Variants in ADK observed in about 807,000 individuals in gnomAD.
ADK encodes the protein N6,N6-dimethyladenosine kinase.
ADK carries 24 observed loss-of-function variants against 44.7 expected under a neutral mutation model. That is an observed-to-expected ratio of 0.54 (90% CI 0.39 to 0.76). The LOEUF (loss-of-function observed/expected upper bound fraction) is 0.76, where lower values mean the gene tolerates loss of function less well. ADK is among the 30% of genes least tolerant of loss of function. The pLI, the probability that ADK is intolerant of heterozygous loss-of-function variation, is 0.00. For synonymous variants in ADK, 128 were observed against 142.6 expected (o/e 0.90, Z 0.73); for missense variants, 321 against 425.1 (o/e 0.76, Z 2.15).
intron 9 of ADK, among the ~76,000 whole-genome samples, chr10:74,609,109 G>A (rs527686353): frequency 1.3e-5 from 2 of 152,244 alleles, no homozygotes; most frequent in Admixed American, 6.5e-5. Context: ...GAGCATCCCA[G>A]GTCGACTTCA....
chr10:74,615,735 G>A (rs1052994720), intron 9 of ADK, among the ~76,000 whole-genome samples: 3 of 152,018 alleles, frequency 2.0e-5, no homozygotes, highest in African/African-American at 7.2e-5. Flanking sequence ...TTGAGATGGA[G>A]CCTCACTCTG....
chr10:74,260,763 T>C (rs1846011313), intron 3 of ADK, among the ~76,000 whole-genome samples: 1 of 152,234 alleles, frequency 6.6e-6, no homozygotes. Context: ...CTTCCATTAA[T>C]TTAAATATCA....
intron 3 of ADK, among the ~76,000 whole-genome samples, chr10:74,302,834 G>GC (rs1223237781): frequency 1.5e-5 from 2 of 135,392 alleles, no homozygotes; most frequent in African/African-American, 5.7e-5. Flanking sequence ...ATTTTACTGA[G>GC]TCTAGTGTGA....
intron 9 of ADK, among the ~76,000 whole-genome samples, chr10:74,640,395 G>A (rs985615742): frequency 6.6e-6 from 1 of 152,208 alleles, no homozygotes; most frequent in Non-Finnish European, 1.5e-5. Flanking sequence ...CTTGCTTTAG[G>A]CAGAGCATTC....
chr10:74,230,255 T>C (rs906575977), intron 3 of ADK, among the ~76,000 whole-genome samples: 1 of 151,526 alleles, frequency 6.6e-6, no homozygotes, highest in African/African-American at 2.4e-5. Flanking sequence ...CAGGGCCCGG[T>C]TTTTTTTGTA....
chr10:74,504,551 G>A (rs1847981299), intron 6 of ADK, among the ~76,000 whole-genome samples: 3 of 152,050 alleles, frequency 2.0e-5, no homozygotes, highest in African/African-American at 7.2e-5. Flanking sequence ...GTGTATTTTT[G>A]TAACACAGTA....
At chr10:74,296,689 GC>G (rs1177233622) in intron 3 of ADK, among the ~76,000 whole-genome samples, 11 of 149,324 alleles carry the variant, frequency 7.4e-5, no homozygotes, top group African/African-American at 2.7e-4. Context: ...TTGGCTCACT[GC>G]AAGCCCCGCC....
At chr10:74,369,335 G>A (rs547784370) in intron 4 of ADK, among the ~76,000 whole-genome samples, 1 of 152,288 alleles carries the variant, frequency 6.6e-6, no homozygotes, top group South Asian at 2.1e-4. Flanking sequence ...CAGCCTCAGA[G>A]ACAGAGCAGT....
At chr10:74,349,450 CT>C (rs1294250345) in intron 4 of ADK, among the ~76,000 whole-genome samples, 3 of 152,196 alleles carry the variant, frequency 2.0e-5, no homozygotes, top group Non-Finnish European at 1.5e-5. Context: ...GTACTAGCCA[CT>C]GCACAAACAC....
At chr10:74,415,891 A>G (rs1844351130) in intron 6 of ADK, among the ~76,000 whole-genome samples, 1 of 152,002 alleles carries the variant, frequency 6.6e-6, no homozygotes, top group Non-Finnish European at 1.5e-5. Context: ...TTGGCATGTA[A>G]TGGAAGACAT....
intron 6 of ADK, among the ~76,000 whole-genome samples, chr10:74,518,660 T>C (rs1338095996): frequency 2.6e-5 from 4 of 152,214 alleles, no homozygotes; most frequent in Non-Finnish European, 4.4e-5. Context: ...GTTAGATGGC[T>C]CTCCTGATAA....
chr10:74,363,923 T>C (rs1355921044), intron 4 of ADK, among the ~76,000 whole-genome samples: 4 of 152,068 alleles, frequency 2.6e-5, no homozygotes, highest in Non-Finnish European at 5.9e-5. Context: ...ATGCATCCCC[T>C]ACTGCAGCAG....
chr10:74,475,751 G>T (rs1278753690), intron 6 of ADK, among the ~76,000 whole-genome samples: 1 of 139,576 alleles, frequency 7.2e-6, no homozygotes, highest in Non-Finnish European at 1.5e-5. Flanking sequence ...GAGAAAGAGA[G>T]AAATAAAAGA....
In ADK at chr10:74,593,016, T is replaced by C. The variant is rs1851774858; in HGVS notation, c.762+3699T>C. 2.0e-5 allele frequency among the ~76,000 whole-genome samples: 3 copies of C among 152,210 alleles called. No homozygotes were observed. In the South Asian group the frequency reaches 6.2e-4, roughly 32 times the overall value. On this transcript the variant is annotated intron_variant, in intron 8 of 10. Transcript: ENST00000539909. Reference sequence around the variant, plus strand: ...TCACAGAAAGTTTCATTGATCAGCATGGATAGAAAGTCTACAGAGAATGTA... The same window carrying C: ...TCACAGAAAGTTTCATTGATCAGCACGGATAGAAAGTCTACAGAGAATGTA...
intron 6 of ADK, among the ~76,000 whole-genome samples, chr10:74,442,149 C>T (rs1473746694): frequency 1.3e-5 from 2 of 151,774 alleles, no homozygotes; most frequent in East Asian, 1.9e-4. Context: ...AAAATTACTC[C>T]CCCACCCCCA....
Position 74,302,851 on chromosome 10 carries a change from G to GT in ADK, c.195-11813dup, listed in dbSNP as rs199532432. ...TTTACTGAGTCTAGTGTGAGTTTTT[G>GT]TTTAAAAAAAAACAACCCAGGAATA... On this transcript the variant is annotated intron_variant, in intron 3 of 10. Transcript: ENST00000539909. Among the ~76,000 whole-genome samples, 269 of 70,788 alleles carry GT rather than the reference G, an allele frequency of 3.8e-3. 1 individual carries two copies. Among genetic ancestry groups the GT allele is most frequent in the Middle Eastern group, 0.013 (1 of 78 alleles). 46.4% of individuals were successfully genotyped at this position (70,788 alleles called of 152,430 possible).
intron 9 of ADK, among the ~76,000 whole-genome samples, chr10:74,634,219 T>A (rs1372238682): frequency 3.9e-5 from 6 of 152,138 alleles, no homozygotes; most frequent in South Asian, 2.1e-4. Flanking sequence ...TTATTTTTTT[T>A]TTTTGAGACG....
chr10:74,607,252 CATGA>C (rs1852356902), intron 9 of ADK, among the ~76,000 whole-genome samples: 2 of 152,010 alleles, frequency 1.3e-5, no homozygotes, highest in East Asian at 3.8e-4. Context: ...ATATATTATG[CATGA>C]ATTTGATCCT....
intron 6 of ADK, among the ~76,000 whole-genome samples, chr10:74,405,298 G>A (rs1044756500): frequency 6.6e-6 from 1 of 151,888 alleles, no homozygotes; most frequent in Non-Finnish European, 1.5e-5. Flanking sequence ...CCACACAGCA[G>A]GAGGTGAGTA....
Sources: gnomAD v4.1 joint callset for allele counts (sites outside exome capture counted in the v4.1 genomes callset) on GRCh38, gnomAD v4.1.1 for gene constraint, MANE v1.5 for transcripts, NCBI Gene and HGNC (gene_info 2026-07-23, HGNC 2026-07-21) for gene names.